The following DNMT3A variants were observed in gnomAD, a reference collection of about 807,000 sequenced individuals.
The protein encoded by DNMT3A is DNA methyltransferase 3 alpha, also known as DNA (cytosine-5)-methyltransferase 3A.
In DNMT3A, 267 loss-of-function variants were observed where a neutral mutation model predicts 117.6. The ratio of observed to expected loss-of-function variants is 2.27; its 90% CI spans 2.05 to 2.51. The LOEUF is 2.51. DNMT3A is among the 30% of genes most tolerant of loss of function. The pLI is 0.00. For synonymous variants in DNMT3A, 432 were observed against 474.8 expected (o/e 0.91, Z 1.17); for missense variants, 1,029 against 1,260.2 (o/e 0.82, Z 2.78).
chr2:25,287,416 G>A (rs543738110), intron 3 of DNMT3A, among the ~76,000 whole-genome samples: 2 of 152,104 alleles, frequency 1.3e-5, no homozygotes, highest in South Asian at 2.1e-4. Flanking sequence ...ACCCCCACCC[G>A]GTATACCACA....
chr2:25,244,153 A>C lies in DNMT3A; in HGVS notation c.1851+2T>G, dbSNP rs757785566. ...AGACCGCGCCCCAGGCCCAGCACTC[A>C]CAAATTCCTGGTCGTGGTTATTAGC... On this transcript the variant is annotated splice_donor_variant, in intron 15 of 22. Transcript: ENST00000321117. LOFTEE classifies it high-confidence loss of function. 1 of 1,613,928 alleles carries C rather than the reference A, an allele frequency of 6.2e-7. No homozygotes were observed. The highest frequency in any genetic ancestry group is 8.5e-7 in the Non-Finnish European group (1 of 1,180,010).
chr2:25,271,204 G>A (rs183749143), intron 6 of DNMT3A, among the ~76,000 whole-genome samples: 201 of 152,024 alleles, frequency 1.3e-3, no homozygotes, highest in Non-Finnish European at 2.3e-3. Flanking sequence ...AAAGTTAGCC[G>A]GGTGTGTCAG....
chr2:25,258,674 G>A (rs1302235029), intron 6 of DNMT3A, among the ~76,000 whole-genome samples: 1 of 152,192 alleles, frequency 6.6e-6, no homozygotes, highest in African/African-American at 2.4e-5. Flanking sequence ...TGTGCCGAAG[G>A]AACTCAGAGG....
chr2:25,298,392 C>T lies in DNMT3A; in HGVS notation c.177+1747G>A, dbSNP rs1039381650. On this transcript the variant is annotated intron_variant, in intron 3 of 22. Transcript: ENST00000321117. The surrounding 1 kb of genome is among the most constrained non-coding windows in gnomAD (Gnocchi z 4.3). ...CTTTTCACCCGAGTGCTTCACTCCA[C>T]CTCTCAGCGATGTGGCTACCCTCTG... 3.3e-5 allele frequency among the ~76,000 whole-genome samples: 5 copies of T among 152,206 alleles called. No individual in the cohort carries two copies. In the East Asian group the frequency reaches 7.7e-4, roughly 23 times the overall value.
At chr2:25,246,924 G>A in intron 9 of DNMT3A, 127 bp downstream of exon 9, 9 of 1,471,740 alleles carry the variant, frequency 6.1e-6, no homozygotes, top group Non-Finnish European at 8.3e-6. Context: ...ATACGGGCGA[G>A]CGAGGTGGAG....
At chr2:25,238,279 A>T (rs1673587386) in intron 20 of DNMT3A, among the ~76,000 whole-genome samples, 1 of 152,162 alleles carries the variant, frequency 6.6e-6, no homozygotes, top group South Asian at 2.1e-4. Context: ...AGCCCTCGAT[A>T]GCAACTCTAC....
At chr2:25,285,500 G>C (rs2032238285) in intron 3 of DNMT3A, among the ~76,000 whole-genome samples, 1 of 152,252 alleles carries the variant, frequency 6.6e-6, no homozygotes, top group Non-Finnish European at 1.5e-5. Flanking sequence ...CAGCTGGGCA[G>C]GCCTGCTTCC....
chr2:25,332,617 G>A (rs1170500838), intron 1 of DNMT3A, among the ~76,000 whole-genome samples: 7 of 152,172 alleles, frequency 4.6e-5, no homozygotes, highest in African/African-American at 7.2e-5. Flanking sequence ...CTGCCAACTC[G>A]GGGGCCAGCA....
chr2:25,256,334 G>C (rs1351947878), intron 6 of DNMT3A, among the ~76,000 whole-genome samples: 1 of 152,090 alleles, frequency 6.6e-6, no homozygotes, highest in Admixed American at 6.5e-5. Flanking sequence ...CCGCCCACTT[G>C]CTATTCCTCA....
In DNMT3A at chr2:25,298,435, A is replaced by G. The variant is rs1471808829; in HGVS notation, c.177+1704T>C. ...ACCCTCTGATTCCAGAGACTCACAA[A>G]GATGAGTCAAAGGGTTGCTGGGTCT... On this transcript the variant is annotated intron_variant, in intron 3 of 22. Coordinates refer to ENST00000321117, the MANE Select transcript of DNMT3A (RefSeq NM_022552.5). The surrounding 1 kb of genome is among the most constrained non-coding windows in gnomAD (Gnocchi z 4.3). 2.0e-5 allele frequency among the ~76,000 whole-genome samples: 3 copies of G among 152,252 alleles called. No homozygotes were observed. Among genetic ancestry groups the G allele is most frequent in the African/African-American group, 7.2e-5 (3 of 41,466 alleles).
chr2:25,303,648 G>A (rs1238728169), intron 2 of DNMT3A, among the ~76,000 whole-genome samples: 1 of 152,254 alleles, frequency 6.6e-6, no homozygotes, highest in Non-Finnish European at 1.5e-5. Flanking sequence ...GTCTCCACGA[G>A]AGCCAGGTCT....
intron 2 of DNMT3A, among the ~76,000 whole-genome samples, chr2:25,303,152 T>TTG (rs1353437161): frequency 3.9e-5 from 6 of 152,238 alleles, no homozygotes; most frequent in Non-Finnish European, 8.8e-5. Context: ...CAAGCTGCAT[T>TTG]TGTGACAGAG....
chr2:25,275,151 C>T, intron 5 of DNMT3A, 64 bp from the exon 6 acceptor site: 4 of 1,488,816 alleles, frequency 2.7e-6, no homozygotes, highest in Non-Finnish European at 3.6e-6. Flanking sequence ...CAAGGAGGCA[C>T]TCGCCTCAAA....
chr2:25,302,948 C>T (rs1051524741), intron 2 of DNMT3A, among the ~76,000 whole-genome samples: 13 of 152,154 alleles, frequency 8.5e-5, no homozygotes, highest in African/African-American at 2.4e-4. Flanking sequence ...CCTCTCGGAG[C>T]CTCAGTTTCC....
chr2:25,255,812 ATCAT>A (rs1676055324), intron 6 of DNMT3A, among the ~76,000 whole-genome samples: 1 of 152,186 alleles, frequency 6.6e-6, no homozygotes, highest in African/African-American at 2.4e-5. Context: ...AAGAGTCATG[ATCAT>A]AAGTATGTTA....
At chr2:25,290,837 C>T (rs1263406444) in intron 3 of DNMT3A, among the ~76,000 whole-genome samples, 5 of 152,046 alleles carry the variant, frequency 3.3e-5, no homozygotes, top group Non-Finnish European at 7.4e-5. Context: ...CTCCCTCCTC[C>T]CCTGCCTCTT....
intron 1 of DNMT3A, among the ~76,000 whole-genome samples, chr2:25,314,939 C>T (rs1203575999): frequency 6.6e-6 from 1 of 152,206 alleles, no homozygotes; most frequent in African/African-American, 2.4e-5. Flanking sequence ...AATAACAAAG[C>T]CTGCAGCTCA....
chr2:25,338,042 G>A (rs949911978), intron 1 of DNMT3A, among the ~76,000 whole-genome samples: 2 of 152,242 alleles, frequency 1.3e-5, no homozygotes, highest in Admixed American at 6.5e-5. Flanking sequence ...GGAGGCCAGA[G>A]ACACACTCAA....
At chr2:25,302,467 C>G (rs2033573028) in intron 2 of DNMT3A, among the ~76,000 whole-genome samples, 1 of 152,190 alleles carries the variant, frequency 6.6e-6, no homozygotes, top group South Asian at 2.1e-4. Flanking sequence ...GACTGGGGAG[C>G]CCCGTGCCGT....
Sources: gnomAD v4.1 joint callset for allele counts (sites outside exome capture counted in the v4.1 genomes callset) on GRCh38, gnomAD v4.1.1 for gene constraint, Gnocchi (gnomAD v3.1) non-coding constraint, MANE v1.5 for transcripts, NCBI Gene and HGNC (gene_info 2026-07-23, HGNC 2026-07-21) for gene names.